TOX4: variants seen among roughly 807,000 people sequenced by gnomAD.
TOX4 encodes the protein TOX high mobility group box family member 4.
Under a neutral mutation model 61.0 loss-of-function variants are expected in TOX4, and 12 were observed. That is an observed-to-expected ratio of 0.20 (90% CI 0.13 to 0.32). The LOEUF (loss-of-function observed/expected upper bound fraction) is 0.32, where lower values mean the gene tolerates loss of function less well. Ranked by LOEUF, TOX4 falls within the 10% of genes least tolerant of loss-of-function variation. The probability of loss-of-function intolerance (pLI) is 1.00; values close to 1 mark genes in which losing one functional copy is unlikely to be tolerated. For synonymous variants in TOX4, 268 were observed against 274.8 expected, an observed-to-expected ratio of 0.98 and a Z score of 0.24; for missense variants, 499 against 753.3, an observed-to-expected ratio of 0.66 and a Z score of 3.95.
intron 5 of TOX4, among the ~76,000 whole-genome samples, chr14:21,490,516 C>T (rs868009830): frequency 6.6e-6 from 1 of 152,134 alleles, no homozygotes; most frequent in Non-Finnish European, 1.5e-5. Context: ...TGCATCTTTA[C>T]AATAACTCTC....
intron 7 of TOX4, among the ~76,000 whole-genome samples, chr14:21,494,475 C>T (rs918161725): frequency 6.0e-5 from 9 of 150,608 alleles, no homozygotes; most frequent in East Asian, 2.0e-4. Flanking sequence ...GGGCTGGAAG[C>T]GGTGGCTCAC....
At chr14:21,479,359 A>C (rs1011745603) in intron 2 of TOX4, among the ~76,000 whole-genome samples, 6 of 151,358 alleles carry the variant, frequency 4.0e-5, no homozygotes, top group Non-Finnish European at 8.8e-5. Context: ...AATTTTAAAA[A>C]AACAGGTGAG....
chr14:21,496,425 G>T (rs1166275596), intron 8 of TOX4, 121 bp from the exon 9 acceptor site: 13 of 809,148 alleles, frequency 1.6e-5, no homozygotes. Flanking sequence ...TACTCGGGAG[G>T]CTAAGGCAGG....
chr14:21,492,261 GT>G lies in TOX4; in HGVS notation c.811-31del, dbSNP rs752594127. 1.3e-5 allele frequency: 20 copies of G among 1,508,500 alleles called. 1 individual carries two copies. In the South Asian group the frequency reaches 2.1e-4, roughly 15 times the overall value. 93.4% of individuals were successfully genotyped at this position (1,508,500 alleles called of 1,614,324 possible). ...TCAGTCTTTCCTAAGAGTATGGGGA[GT>G]TTTGTTTTTTTTTTTAAAGTCTCTT... On this transcript the variant is annotated intron_variant, in intron 5 of 8. Transcript: ENST00000448790.
chr14:21,495,481 A>C (rs1304588871), intron 8 of TOX4, 89 bp downstream of exon 8: 396 of 1,452,080 alleles, frequency 2.7e-4, no homozygotes, highest in Non-Finnish European at 3.4e-4. Flanking sequence ...TCAGCATCTC[A>C]GTGTCACCTT....
At position 21,493,157 on chromosome 14, in the gene TOX4, G is replaced by A. The variant is rs139677453; in HGVS notation, c.1541G>A (p.Ser514Asn). Residue 514 changes from serine to asparagine, a missense_variant, in exon 7 of 9, where the codon AGT becomes AAT. This residue lies in a region of TOX4 where 296 missense variants were observed against 404.7 expected (regional missense o/e 0.73). Coordinates refer to ENST00000448790, the MANE Select transcript of TOX4 (RefSeq NM_014828.4). ...QTTLVPPTVE[S>N]SPERPMNNSP... Reference sequence around the variant, plus strand: ...ACCTTAGTCCCACCAACTGTGGAAAGTAGTCCTGAGCGGCCTATGAACAAC... The same window carrying A: ...ACCTTAGTCCCACCAACTGTGGAAAATAGTCCTGAGCGGCCTATGAACAAC... 2.3e-4 allele frequency: 374 copies of A among 1,614,188 alleles called. No individual in the cohort carries two copies. The Middle Eastern group carries it at 4.8e-3, about 21-fold the overall frequency.
At chr14:21,483,309 A>G (rs367949219) in intron 2 of TOX4, among the ~76,000 whole-genome samples, 4 of 152,064 alleles carry the variant, frequency 2.6e-5, no homozygotes, top group African/African-American at 9.7e-5. Context: ...CTGTATCTTG[A>G]AAATTTTGGA....
At chr14:21,482,314 TC>T (rs1304622837) in intron 2 of TOX4, among the ~76,000 whole-genome samples, 5 of 152,206 alleles carry the variant, frequency 3.3e-5, no homozygotes, top group Non-Finnish European at 7.3e-5. Flanking sequence ...CACTACTACA[TC>T]AGTTTTTAAG....
chr14:21,498,510 G>T lies in TOX4; in HGVS notation c.*1904G>T. 1 of 731,626 alleles carries T rather than the reference G, an allele frequency of 1.4e-6. No homozygotes were observed. The highest frequency in any genetic ancestry group is 2.2e-6 in the Non-Finnish European group (1 of 449,270). 45.3% of individuals were successfully genotyped at this position (731,626 alleles called of 1,614,324 possible). A position where few individuals can be genotyped will look rare whatever the true frequency, so the allele number is the denominator to read the frequency against. On this transcript the variant is annotated 3_prime_UTR_variant, in exon 9 of 9. Transcript: ENST00000448790. Reference sequence around the variant, plus strand: ...CTAAAAAGAGCTTAACATTAGAATAGTATATGGTAGAATTACTAGTTCAGA... The same window carrying T: ...CTAAAAAGAGCTTAACATTAGAATATTATATGGTAGAATTACTAGTTCAGA...
chr14:21,486,544 T>C (rs1366699580), intron 2 of TOX4, among the ~76,000 whole-genome samples: 1 of 152,220 alleles, frequency 6.6e-6, no homozygotes, highest in Non-Finnish European at 1.5e-5. Context: ...CAAGGTCTTG[T>C]ACCCAGGTCT....
chr14:21,481,972 A>G (rs1891115049), intron 2 of TOX4, among the ~76,000 whole-genome samples: 1 of 152,230 alleles, frequency 6.6e-6, no homozygotes, highest in Admixed American at 6.5e-5. Context: ...CTGGATAGTG[A>G]TAACTTGGAT....
At position 21,477,242 on chromosome 14, in the gene TOX4, G is replaced by C. The variant is rs1487191543; in HGVS notation, c.-37G>C. The C allele has an allele frequency of 1.2e-6, 2 of 1,613,778 alleles. No individual in the cohort carries two copies. The highest frequency in any genetic ancestry group is 1.7e-5 in the Admixed American group (1 of 59,950). On this transcript the variant is annotated 5_prime_UTR_variant, in exon 1 of 9. Transcript: ENST00000448790. ...CGAGTCCAGTGGGGGCGGTGGGAGC[G>C]ATGAGGGTCTGAGACGGTGGGAGCG...
chr14:21,478,692 C>A (rs920776076), intron 2 of TOX4, among the ~76,000 whole-genome samples: 3 of 152,154 alleles, frequency 2.0e-5, no homozygotes, highest in Non-Finnish European at 4.4e-5. Context: ...CCATTTGCAT[C>A]AGTTTTTTTT....
intron 2 of TOX4, among the ~76,000 whole-genome samples, chr14:21,482,956 C>T (rs187355683): frequency 5.3e-4 from 81 of 152,136 alleles, no homozygotes; most frequent in African/African-American, 1.9e-3. Flanking sequence ...ACCATGAAAG[C>T]CATAGGTACT....
At chr14:21,488,520 T>A (rs75875029) in intron 3 of TOX4, 70 bp from the exon 4 acceptor site, 1,212 of 1,498,310 alleles carry the variant, frequency 8.1e-4, no homozygotes, top group African/African-American at 6.8e-3. Context: ...TTATAAGCTG[T>A]CTTAAATTTA....
At position 21,497,327 on chromosome 14, in the gene TOX4, A is replaced by G. The variant is rs1386312266; in HGVS notation, c.*721A>G. The G allele has an allele frequency of 1.3e-5, 2 of 152,166 alleles. No homozygotes were observed. The highest frequency in any genetic ancestry group is 2.4e-5 in the African/African-American group (1 of 41,440). The allele number at this position is 152,166 out of a possible 1,614,324, so 9.4% of individuals were successfully genotyped here. ...TTTCTTAGACATAATCTAAAGAAAA[A>G]CAGACTAGAGAAGCCACCTGGTTGT... is the stretch of plus-strand genomic sequence containing the variant. On this transcript the variant is annotated 3_prime_UTR_variant, in exon 9 of 9. Coordinates refer to ENST00000448790, the MANE Select transcript of TOX4 (RefSeq NM_014828.4).
intron 2 of TOX4, among the ~76,000 whole-genome samples, chr14:21,481,332 C>T (rs1891104741): frequency 6.6e-6 from 1 of 152,126 alleles, no homozygotes; most frequent in African/African-American, 2.4e-5. Context: ...GCATGTGCCA[C>T]CACACCTGGC....
At chr14:21,490,904 C>T (rs1891277286) in intron 5 of TOX4, among the ~76,000 whole-genome samples, 4 of 152,236 alleles carry the variant, frequency 2.6e-5, no homozygotes, top group Admixed American at 2.6e-4. Flanking sequence ...CAGCTTACTG[C>T]AACTTCCACC....
At chr14:21,487,074 A>G (rs1381395459) in intron 2 of TOX4, among the ~76,000 whole-genome samples, 2 of 152,244 alleles carry the variant, frequency 1.3e-5, no homozygotes, top group Non-Finnish European at 1.5e-5. Flanking sequence ...TAACTGCTCT[A>G]TTAGAATCTT....
Sources: gnomAD v4.1 joint callset for allele counts (sites outside exome capture counted in the v4.1 genomes callset) on GRCh38, gnomAD v4.1.1 for gene constraint, gnomAD v4.1.1 regional missense constraint, MANE v1.5 for transcripts, NCBI Gene and HGNC (gene_info 2026-07-23, HGNC 2026-07-21) for gene names.